GABBR2: variants seen among roughly 807,000 people sequenced by gnomAD.
The protein encoded by GABBR2 is G-protein coupled receptor 51.
In GABBR2, 23 loss-of-function variants were observed where a neutral mutation model predicts 105.6. The observed-to-expected ratio is 0.22, with a 90% confidence interval of 0.16 to 0.31. The LOEUF (loss-of-function observed/expected upper bound fraction) is 0.31. Among genes scored for constraint, GABBR2 ranks in the 10% least tolerant of loss-of-function variants. GABBR2 has a pLI of 1.00. For missense variants in GABBR2, 734 were observed against 1,245.5 expected (o/e 0.59, Z 6.18); for synonymous variants, 478 against 499.7 (o/e 0.96, Z 0.58).
chr9:98,500,118 C>T (rs10986439), intron 3 of GABBR2, among the ~76,000 whole-genome samples: 1 of 152,348 alleles, frequency 6.6e-6, no homozygotes, highest in East Asian at 1.9e-4. Flanking sequence ...TTGCCATTAA[C>T]TACATTTCTG....
At chr9:98,608,055 G>C (rs974431427) in intron 1 of GABBR2, 7 of 1,306,820 alleles carry the variant, frequency 5.4e-6, no homozygotes, top group Non-Finnish European at 7.7e-6. Context: ...AGCAAACTGG[G>C]AAGCTCAACA....
chr9:98,356,259 A>G (rs1371922886), intron 13 of GABBR2, among the ~76,000 whole-genome samples: 2 of 152,244 alleles, frequency 1.3e-5, no homozygotes, highest in Admixed American at 6.5e-5. Flanking sequence ...AAACTGAGAG[A>G]AAATATTTAT....
chr9:98,366,436 A>G lies in GABBR2; in HGVS notation c.1771-3599T>C, dbSNP rs112689883. Among the ~76,000 whole-genome samples the G allele has an allele frequency of 7.4e-3, 1,131 of 152,340 alleles. 15 individuals are homozygous for G. The highest frequency in any genetic ancestry group is 0.026 in the African/African-American group (1,066 of 41,586). On this transcript the variant is annotated intron_variant, in intron 12 of 18. Coordinates refer to ENST00000259455, the MANE Select transcript of GABBR2 (RefSeq NM_005458.8). ...ATGAATGTCATGTGCATATTTGTCT[A>G]TGGTTGCTTTTATTCTATGAAAGCA...
chr9:98,403,356 G>GTTT (rs1417424064), intron 8 of GABBR2, among the ~76,000 whole-genome samples: 87 of 149,946 alleles, frequency 5.8e-4, no homozygotes, highest in African/African-American at 2.1e-3. Context: ...TGAAGGCCCA[G>GTTT]CTGTGACCCT....
chr9:98,407,030 TGTAA>T (rs556131400), intron 7 of GABBR2, among the ~76,000 whole-genome samples: 21 of 152,226 alleles, frequency 1.4e-4, no homozygotes, highest in Non-Finnish European at 2.9e-4. Context: ...ACAAGGTCAC[TGTAA>T]GTGAGGCTGC....
intron 15 of GABBR2, among the ~76,000 whole-genome samples, chr9:98,305,254 T>G (rs1352660094): frequency 6.6e-6 from 1 of 152,182 alleles, no homozygotes; most frequent in African/African-American, 2.4e-5. Context: ...ATGGAACATA[T>G]AAGTGGCTAC....
intron 11 of GABBR2, among the ~76,000 whole-genome samples, chr9:98,376,505 T>A (rs1831875940): frequency 6.6e-6 from 1 of 152,098 alleles, no homozygotes; most frequent in Admixed American, 6.5e-5. Flanking sequence ...TCATCCTAGG[T>A]GCTCAATAGT....
chr9:98,669,139 G>A (rs1323278925), intron 1 of GABBR2, among the ~76,000 whole-genome samples: 2 of 152,104 alleles, frequency 1.3e-5, no homozygotes, highest in Admixed American at 6.6e-5. Flanking sequence ...TTCCATGGTG[G>A]CTGTACCATT....
intron 6 of GABBR2, among the ~76,000 whole-genome samples, chr9:98,458,524 C>T (rs1386667555): frequency 1.3e-5 from 2 of 152,074 alleles, no homozygotes; most frequent in African/African-American, 4.8e-5. Context: ...GCCAACCTGG[C>T]AAAACCCCAT....
At chr9:98,606,680 A>G (rs1242447341) in intron 1 of GABBR2, among the ~76,000 whole-genome samples, 1 of 151,892 alleles carries the variant, frequency 6.6e-6, no homozygotes, top group African/African-American at 2.4e-5. Context: ...GGATTTCTCC[A>G]TGTTGGTCAG....
chr9:98,419,654 G>A (rs1378835553), intron 7 of GABBR2, among the ~76,000 whole-genome samples: 2 of 152,180 alleles, frequency 1.3e-5, no homozygotes, highest in Non-Finnish European at 2.9e-5. Context: ...TCAGCTTGAT[G>A]CTGCTCCAAT....
chr9:98,327,698 G>A (rs747722026), intron 13 of GABBR2, among the ~76,000 whole-genome samples: 6 of 151,722 alleles, frequency 4.0e-5, no homozygotes, highest in Admixed American at 1.3e-4. Flanking sequence ...GTGAAACCCC[G>A]TCTCTACTAA....
chr9:98,445,550 C>T (rs558595404), intron 7 of GABBR2, among the ~76,000 whole-genome samples: 37 of 152,306 alleles, frequency 2.4e-4, no homozygotes, highest in South Asian at 8.3e-4. Context: ...CGGAAGAAAC[C>T]TGTAAGGGAG....
At chr9:98,638,057 TACAG>T (rs1216043565) in intron 1 of GABBR2, among the ~76,000 whole-genome samples, 6 of 152,320 alleles carry the variant, frequency 3.9e-5, no homozygotes, top group Admixed American at 2.6e-4. Flanking sequence ...CCCGGGGTCA[TACAG>T]ACAGAGTGGT....
At chr9:98,651,939 C>T (rs2131846430) in intron 1 of GABBR2, among the ~76,000 whole-genome samples, 1 of 152,058 alleles carries the variant, frequency 6.6e-6, no homozygotes, top group South Asian at 2.1e-4. Context: ...TTCAGACATA[C>T]AAACAAAATC....
chr9:98,426,972 C>A (rs1306263155), intron 7 of GABBR2, among the ~76,000 whole-genome samples: 3 of 152,188 alleles, frequency 2.0e-5, no homozygotes, highest in Admixed American at 6.5e-5. Context: ...CACTGTACTC[C>A]AGCCTGCGTG....
intron 7 of GABBR2, among the ~76,000 whole-genome samples, chr9:98,445,763 A>T (rs1170932674): frequency 6.6e-6 from 1 of 152,228 alleles, no homozygotes; most frequent in Non-Finnish European, 1.5e-5. Context: ...TAGGGACTGT[A>T]GGGAAGGCAG....
Position 98,420,202 on chromosome 9 carries a change from C to T in GABBR2, c.1237-14061G>A, listed in dbSNP as rs1169016196. Among the ~76,000 whole-genome samples the T allele has an allele frequency of 2.0e-5, 3 of 152,190 alleles. No individual in the cohort carries two copies. In the East Asian group the frequency reaches 5.8e-4, roughly 29 times the overall value. Reference sequence around the variant, plus strand: ...TGCAGGGATACCCTAGCTCCCCCCACCTGGCCCTCCTTGCCCCTCTGGATA... The same window carrying T: ...TGCAGGGATACCCTAGCTCCCCCCATCTGGCCCTCCTTGCCCCTCTGGATA... On this transcript the variant is annotated intron_variant, in intron 7 of 18. Transcript: ENST00000259455.
chr9:98,406,244 T>C (rs1286695895), intron 7 of GABBR2, 103 bp from the exon 8 acceptor site: 4 of 608,222 alleles, frequency 6.6e-6, no homozygotes, highest in East Asian at 3.1e-5. Flanking sequence ...ACAATGCGAT[T>C]ATTAATACTG....
Sources: gnomAD v4.1 joint callset for allele counts (sites outside exome capture counted in the v4.1 genomes callset) on GRCh38, gnomAD v4.1.1 for gene constraint, MANE v1.5 for transcripts, NCBI Gene and HGNC (gene_info 2026-07-23, HGNC 2026-07-21) for gene names.